TTC39C: variants seen among roughly 807,000 people sequenced by gnomAD.
The protein encoded by TTC39C is tetratricopeptide repeat protein 39C.
TTC39C carries 33 observed loss-of-function variants against 76.3 expected under a neutral mutation model. The observed-to-expected ratio is 0.43, with a 90% CI of 0.33 to 0.58. The LOEUF (loss-of-function observed/expected upper bound fraction) is 0.58, where lower values mean the gene tolerates loss of function less well. Among genes scored for constraint, TTC39C ranks in the 20% least tolerant of loss-of-function variants. The probability of loss-of-function intolerance (pLI) is 0.04; values close to 1 mark genes in which losing one functional copy is unlikely to be tolerated. For synonymous variants in TTC39C, 254 were observed against 260.6 expected, an observed-to-expected ratio of 0.97 and a Z score of 0.24; for missense variants, 595 against 701.4, an observed-to-expected ratio of 0.85 and a Z score of 1.71.
chr18:24,018,226 T>C (rs753957987), intron 1 of TTC39C, among the ~76,000 whole-genome samples: 2 of 152,190 alleles, frequency 1.3e-5, no homozygotes, highest in Admixed American at 1.3e-4. Flanking sequence ...TGAGGTGTTT[T>C]CCCAAAGGTT....
chr18:24,130,186 A>G (rs1158943473), intron 11 of TTC39C, 127 bp from the exon 12 acceptor site: 1 of 471,942 alleles, frequency 2.1e-6, no homozygotes, highest in East Asian at 4.3e-5. Context: ...AAGATGAGGA[A>G]AGAAGAGAAA....
chr18:24,132,621 TTTAAAA>T lies in TTC39C; in HGVS notation c.*49_*54del. 2.6e-6 allele frequency: 4 copies of T among 1,532,276 alleles called. No individual in the cohort carries two copies. The highest frequency in any genetic ancestry group is 3.6e-6 in the Non-Finnish European group (4 of 1,118,684). The allele number at this position is 1,532,276 out of a possible 1,614,324, so 94.9% of individuals were successfully genotyped here. A position where few individuals can be genotyped will look rare whatever the true frequency, so the allele number is the denominator to read the frequency against. On this transcript the variant is annotated 3_prime_UTR_variant, in exon 14 of 14. Transcript: ENST00000317571. ...GTCCCTCCCCACCCAGGGTCCGCAC[TTTAAAA>T]TAAAAGCAGAGGACAAAGCTCTTGT... is the stretch of plus-strand genomic sequence containing the variant.
intron 1 of TTC39C, among the ~76,000 whole-genome samples, chr18:24,063,197 T>G (rs903334075): frequency 6.6e-6 from 1 of 152,208 alleles, no homozygotes; most frequent in Non-Finnish European, 1.5e-5. Flanking sequence ...TTTATATTCT[T>G]TTATTCTTTA....
chr18:24,083,690 CT>C (rs2084405385), intron 6 of TTC39C, among the ~76,000 whole-genome samples: 1 of 152,186 alleles, frequency 6.6e-6, no homozygotes, highest in Admixed American at 6.5e-5. Flanking sequence ...ACTTCCTGTG[CT>C]TGCCCAGTGA....
At chr18:24,043,908 T>C (rs1006910630) in intron 1 of TTC39C, among the ~76,000 whole-genome samples, 1 of 152,212 alleles carries the variant, frequency 6.6e-6, no homozygotes, top group African/African-American at 2.4e-5. Flanking sequence ...TCCTACCAGC[T>C]CAAACATTTA....
At position 24,044,816 on chromosome 18, in the gene TTC39C, A is replaced by G. The variant is rs149850668; in HGVS notation, c.168-19324A>G. On this transcript the variant is annotated intron_variant, in intron 1 of 13. Coordinates refer to ENST00000317571, the MANE Select transcript of TTC39C (RefSeq NM_001135993.2). Reference sequence around the variant, plus strand: ...TCTTCTAATATTTGTTTTCGGAAAGATTTATGTCATTTTAGTTCACACAAC... The same window carrying G: ...TCTTCTAATATTTGTTTTCGGAAAGGTTTATGTCATTTTAGTTCACACAAC... 8.7e-3 allele frequency among the ~76,000 whole-genome samples: 1,331 copies of G among 152,278 alleles called. 10 individuals are homozygous for G. The highest frequency in any genetic ancestry group is 0.024 in the South Asian group (116 of 4,816).
At chr18:24,120,697 T>G (rs2084955495) in intron 8 of TTC39C, among the ~76,000 whole-genome samples, 1 of 152,198 alleles carries the variant, frequency 6.6e-6, no homozygotes, top group Non-Finnish European at 1.5e-5. Context: ...AACTCCCCAT[T>G]CACGTTTTCC....
At chr18:24,019,122 A>C (rs2083490126) in intron 1 of TTC39C, among the ~76,000 whole-genome samples, 1 of 152,160 alleles carries the variant, frequency 6.6e-6, no homozygotes, top group Admixed American at 6.6e-5. Flanking sequence ...AATGAAGCAC[A>C]TGGAGGCCTG....
At chr18:24,007,208 G>A (rs1431892331) in intron 1 of TTC39C, among the ~76,000 whole-genome samples, 1 of 152,172 alleles carries the variant, frequency 6.6e-6, no homozygotes, top group East Asian at 1.9e-4. Context: ...ATATGTCCTT[G>A]TAAACAAGAG....
intron 1 of TTC39C, among the ~76,000 whole-genome samples, chr18:24,055,398 T>C (rs964545932): frequency 6.6e-6 from 1 of 152,208 alleles, no homozygotes. Context: ...CTAACACTTA[T>C]TTTGTTTTAT....
At chr18:24,099,035 G>A (rs1047520014) in intron 6 of TTC39C, among the ~76,000 whole-genome samples, 67 of 146,724 alleles carry the variant, frequency 4.6e-4, no homozygotes, top group Admixed American at 1.7e-3. Flanking sequence ...GTGTGTGTGT[G>A]TATATATATA....
rs1034488624 is a variant in TTC39C, at chr18:24,133,648, T to C, written c.*1074T>C. 1 of 152,232 alleles carries C rather than the reference T, an allele frequency of 6.6e-6. No homozygotes were observed. Among genetic ancestry groups the C allele is most frequent in the African/African-American group, 2.4e-5 (1 of 41,462 alleles). The allele number at this position is 152,232 out of a possible 1,614,324, so 9.4% of individuals were successfully genotyped here. A position where few individuals can be genotyped will look rare whatever the true frequency, so the allele number is the denominator to read the frequency against. ...ATCATTTTCCCCTTAGCTCAGGTTA[T>C]TTAGATATTATACAAGGAATTCAAA... On this transcript the variant is annotated 3_prime_UTR_variant, in exon 14 of 14. Coordinates refer to ENST00000317571, the MANE Select transcript of TTC39C (RefSeq NM_001135993.2).
intron 1 of TTC39C, chr18:24,022,538 C>A: frequency 1.0e-6 from 1 of 985,058 alleles, no homozygotes. Flanking sequence ...ACCTCTCTTA[C>A]AGAACTTCTA....
chr18:24,000,634 T>C (rs949547047), intron 1 of TTC39C: 1 of 152,280 alleles, frequency 6.6e-6, no homozygotes, highest in African/African-American at 2.4e-5. Flanking sequence ...TGCTAAGCAC[T>C]GTGATGCACA....
intron 1 of TTC39C, among the ~76,000 whole-genome samples, chr18:24,023,667 G>A (rs1902120029): frequency 6.6e-6 from 1 of 151,982 alleles, no homozygotes; most frequent in Admixed American, 6.6e-5. Flanking sequence ...CCTGGCATGA[G>A]AAAGTAGAAA....
At chr18:24,013,390 T>G (rs1403822930), upstream of TTC39C, among the ~76,000 whole-genome samples, 1 of 152,222 alleles carries the variant, frequency 6.6e-6, no homozygotes, top group African/African-American at 2.4e-5. Flanking sequence ...AAATCCTGTA[T>G]GGATTTAGAT....
At chr18:24,035,330 G>A (rs1486863382) in intron 1 of TTC39C, among the ~76,000 whole-genome samples, 1 of 152,122 alleles carries the variant, frequency 6.6e-6, no homozygotes, top group Non-Finnish European at 1.5e-5. Flanking sequence ...GAGCCACTGT[G>A]CCCAGCCCTA....
chr18:24,027,489 C>T (rs1014495656), intron 1 of TTC39C, among the ~76,000 whole-genome samples: 10 of 151,836 alleles, frequency 6.6e-5, no homozygotes, highest in Admixed American at 2.0e-4. Flanking sequence ...TATGCTCACC[C>T]GCATCTTTAT....
chr18:24,047,515 A>T lies in TTC39C; in HGVS notation c.168-16625A>T, dbSNP rs191569220. On this transcript the variant is annotated intron_variant, in intron 1 of 13. Coordinates refer to ENST00000317571, the MANE Select transcript of TTC39C (RefSeq NM_001135993.2). ...AGCACTTCTTCTCAAAAATCATAAG[A>T]TGTCATTCTTAGACTATTGTATAGT... Among the ~76,000 whole-genome samples, 78 of 152,276 alleles carry T rather than the reference A, an allele frequency of 5.1e-4. 1 individual carries two copies. Among genetic ancestry groups the T allele is most frequent in the Admixed American group, 1.3e-3 (20 of 15,298 alleles).
Sources: allele counts gnomAD v4.1 joint callset (sites outside exome capture counted in the v4.1 genomes callset), GRCh38; gene constraint gnomAD v4.1.1; transcripts MANE v1.5; gene names NCBI Gene and HGNC (gene_info 2026-07-23, HGNC 2026-07-21).